Variants in INPPL1 observed in about 807,000 individuals in gnomAD.
INPPL1 encodes phosphatidylinositol 3,4,5-trisphosphate 5-phosphatase 2.
INPPL1 carries 91 observed loss-of-function variants against 139.3 expected under a neutral mutation model. That is an observed-to-expected ratio of 0.65 (90% CI 0.55 to 0.78). The LOEUF is 0.78. Among genes scored for constraint, INPPL1 ranks in the 30% least tolerant of loss-of-function variants. INPPL1 has a pLI of 0.00. For missense variants in INPPL1, 1,411 were observed against 1,665.6 expected, an observed-to-expected ratio of 0.85 and a Z score of 2.66; for synonymous variants, 719 against 686.6, an observed-to-expected ratio of 1.05 and a Z score of -0.74.
intron 1 of INPPL1, 166 bp downstream of exon 1, chr11:72,225,332 C>A (rs1194161953): frequency 1.0e-6 from 1 of 985,320 alleles, no homozygotes; most frequent in African/African-American, 1.7e-5. Flanking sequence ...AGGAGGGACG[C>A]AGGGGCACTT....
In INPPL1 at chr11:72,230,858, G is replaced by A. The variant is rs1948813148; in HGVS notation, c.1260G>A (p.Glu420=). Residue 420 remains glutamate (E), a synonymous_variant, in exon 11 of 28, where the codon GAG becomes GAA. Coordinates refer to ENST00000298229, the MANE Select transcript of INPPL1 (RefSeq NM_001567.4). ...AGAACAAGCACTCCAAGCAGGACGA[G>A]CCCGACATGATCTCAGTCTTCATAG... The part of the protein sequence containing the change: ...LMKNKHSKQD[E]PDMISVFIGT... 1 of 1,613,910 alleles carries A rather than the reference G, an allele frequency of 6.2e-7. No individual in the cohort carries two copies.
Position 72,228,418 on chromosome 11 carries a change from A to G in INPPL1, c.317A>G (p.Asn106Ser), listed in dbSNP as rs549593209. 3.7e-6 allele frequency: 6 copies of G among 1,612,988 alleles called. No homozygotes were observed. In the African/African-American group the frequency reaches 4.0e-5, roughly 11 times the overall value. Residue 106 changes from asparagine (N) to serine (S), a missense_variant, in exon 3 of 28, where the codon AAC becomes AGC. Physicochemically the swap from Asn to Ser is conservative, Grantham distance 46. Transcript: ENST00000298229. This position sits in a 1 kb window ranked among gnomAD's most constrained non-coding sequence, Gnocchi z 5.0. ...GELIGLYAQP[N>S]QGLVCALLLP... ...CTCATCGGCCTGTACGCCCAGCCCAACCAGGGCCTTGTGTGCGCCCTGCTT... is the reference window on the plus strand; with the variant it reads ...CTCATCGGCCTGTACGCCCAGCCCAGCCAGGGCCTTGTGTGCGCCCTGCTT...
At chr11:72,223,886 G>T, upstream of INPPL1, 1 of 151,780 alleles carries the variant, frequency 6.6e-6, no homozygotes, top group South Asian at 1.8e-4. Flanking sequence ...GGGCGCGCGC[G>T]GATGGCCATC....
At chr11:72,231,415 A>G in intron 12 of INPPL1, 83 bp from the exon 13 acceptor site, 1 of 1,163,464 alleles carries the variant, frequency 8.6e-7, no homozygotes, top group Non-Finnish European at 1.3e-6. Flanking sequence ...CCTGTGATGG[A>G]CACAAAAGTC....
Position 72,228,567 on chromosome 11 carries a change from C to T in INPPL1, c.397+69C>T, listed in dbSNP as rs748448649. ...GCTCTACCTGCCTCTTCCCATCCCC[C>T]CTTCTCAACCCCACCTCTCCTGTAA... On this transcript the variant is annotated intron_variant, in intron 3 of 27. Transcript: ENST00000298229. The surrounding 1 kb of genome is among the most constrained non-coding windows in gnomAD (Gnocchi z 5.0). 1.3e-6 allele frequency: 2 copies of T among 1,573,672 alleles called. No individual in the cohort carries two copies. Among genetic ancestry groups the T allele is most frequent in the Non-Finnish European group, 1.7e-6 (2 of 1,159,562 alleles).
rs1476878822 is a variant in INPPL1, at chr11:72,230,915, G to C, written c.1300+17G>C. 1.2e-6 allele frequency: 2 copies of C among 1,613,744 alleles called. No individual in the cohort carries two copies. Among genetic ancestry groups the C allele is most frequent in the Non-Finnish European group, 1.7e-6 (2 of 1,179,742 alleles). On this transcript the variant is annotated intron_variant, in intron 11 of 27. Coordinates refer to ENST00000298229, the MANE Select transcript of INPPL1 (RefSeq NM_001567.4). ...GGAACATGGGTCAGGCCCGGGCTGG[G>C]GCTGGGGCGGGAGAGAGGGATGGCC...
In INPPL1 at chr11:72,234,575, A is replaced by C. The variant is rs780938497; in HGVS notation, c.2375A>C (p.Asn792Thr). 2 of 1,613,866 alleles carry C rather than the reference A, an allele frequency of 1.2e-6. No individual in the cohort carries two copies. The highest frequency in any genetic ancestry group is 2.7e-5 in the African/African-American group (2 of 74,866). The change falls in exon 21 of 28, where the codon AAC becomes ACC. Residue 792 changes from asparagine to threonine, a missense_variant. Coordinates refer to ENST00000298229, the MANE Select transcript of INPPL1 (RefSeq NM_001567.4). This position sits in a 1 kb window ranked among gnomAD's most constrained non-coding sequence, Gnocchi z 4.2. ...GATGCCCAGAGCAGTGACAACATCA[A>C]CTTCCTCAAAGTGCAGTGGTCTTCA... Reference protein sequence around the residue: ...ENDAQSSDNINFLKVQWSSRQ... With the variant: ...ENDAQSSDNITFLKVQWSSRQ...
At position 72,229,879 on chromosome 11, in the gene INPPL1, C is replaced by T; in HGVS notation, c.844-45C>T. On this transcript the variant is annotated intron_variant, in intron 7 of 27. Coordinates refer to ENST00000298229, the MANE Select transcript of INPPL1 (RefSeq NM_001567.4). ...TCAATTGTGTCCCTCCCTGCCCCAG[C>T]CTTCAGTGTGTCCCCTGACCCCGCC... The T allele has an allele frequency of 1.9e-6, 3 of 1,590,716 alleles. No individual in the cohort carries two copies. In the South Asian group the frequency reaches 3.3e-5, roughly 18 times the overall value.
Position 72,228,700 on chromosome 11 carries a change from C to T in INPPL1, c.398-27C>T, listed in dbSNP as rs755620537. On this transcript the variant is annotated intron_variant, in intron 3 of 27. Coordinates refer to ENST00000298229, the MANE Select transcript of INPPL1 (RefSeq NM_001567.4). This position sits in a 1 kb window ranked among gnomAD's most constrained non-coding sequence, Gnocchi z 5.0. ...CTCCACTGAGTGTGGGAGGCCCAAA[C>T]GGCTGCCCACTGACCCCTGCCCACA... is the stretch of plus-strand genomic sequence containing the variant. 11 of 1,603,120 alleles carry T rather than the reference C, an allele frequency of 6.9e-6. No individual in the cohort carries two copies. The highest frequency in any genetic ancestry group is 3.3e-5 in the South Asian group (3 of 89,830).
chr11:72,236,010 CCCCCCCTT>C, intron 25 of INPPL1, 24 bp downstream of exon 25: 1 of 1,294,630 alleles, frequency 7.7e-7, no homozygotes, highest in Non-Finnish European at 1.1e-6. Context: ...CCTGTCACCG[CCCCCCCTT>C]CCCCCACCCA....
Position 72,238,158 on chromosome 11 carries a change from C to T in INPPL1, c.3669C>T (p.Asp1223=), listed in dbSNP as rs781340193. 1 of 1,595,816 alleles carries T rather than the reference C, an allele frequency of 6.3e-7. No homozygotes were observed. ...YEEGLVHNGW[D]DLEFLSDITE... is the part of the protein sequence containing the mutation. ...AGGGCCTGGTGCATAATGGCTGGGA[C>T]GACCTGGAGTTTCTCAGGTGGGGGA... is the stretch of plus-strand genomic sequence containing the variant. Residue 1223 remains aspartate, a synonymous_variant, in exon 27 of 28, where the codon GAC becomes GAT. Transcript: ENST00000298229.
At chr11:72,230,769 G>C in intron 10 of INPPL1, 27 bp from the exon 11 acceptor site, 1 of 1,604,074 alleles carries the variant, frequency 6.2e-7, no homozygotes, top group Non-Finnish European at 8.5e-7. Context: ...ATGCCTACCC[G>C]CCCCTGAGTG....
In INPPL1 at chr11:72,228,455, G is replaced by T; in HGVS notation, c.354G>T (p.Glu118Asp). 1 of 1,611,226 alleles carries T rather than the reference G, an allele frequency of 6.2e-7. No individual in the cohort carries two copies. Residue 118 changes from glutamate to aspartate, a missense_variant, in exon 3 of 28, where the codon GAG (glutamate) becomes GAT (aspartate). Glu to Asp is a conservative substitution (Grantham distance 45). Transcript: ENST00000298229. The surrounding 1 kb of genome is among the most constrained non-coding windows in gnomAD (Gnocchi z 5.0). ...GLVCALLLPV[E>D]GEREPDPPDD... ...TGTGCGCCCTGCTTCTTCCTGTAGA[G>T]GGTGAGCGAGAGCCGGACCCACCGG...
At chr11:72,237,989 A>T in intron 26 of INPPL1, 53 bp from the exon 27 acceptor site, 2 of 1,505,134 alleles carry the variant, frequency 1.3e-6, no homozygotes, top group Non-Finnish European at 1.8e-6. Context: ...ATGTGACTGC[A>T]GGTGTTTCTA....
At chr11:72,230,767 C>T in intron 10 of INPPL1, 29 bp from the exon 11 acceptor site, 1 of 1,600,316 alleles carries the variant, frequency 6.2e-7, no homozygotes, top group East Asian at 2.2e-5. Flanking sequence ...GGATGCCTAC[C>T]CGCCCCTGAG....
Position 72,224,853 on chromosome 11 carries a change from G to A in INPPL1, c.-132G>A. ...CCTGCGCGGCGGAGTGCTGAGTCCCGATCCCCGGCTCTGTCCGGCCCACGG... is the reference window on the plus strand; with the variant it reads ...CCTGCGCGGCGGAGTGCTGAGTCCCAATCCCCGGCTCTGTCCGGCCCACGG... On this transcript the variant is annotated 5_prime_UTR_variant, in exon 1 of 28. Coordinates refer to ENST00000298229, the MANE Select transcript of INPPL1 (RefSeq NM_001567.4). The A allele has an allele frequency of 1.8e-6, 1 of 559,742 alleles. No individual in the cohort carries two copies. Among genetic ancestry groups the A allele is most frequent in the Non-Finnish European group, 2.3e-6 (1 of 433,472 alleles). The allele number at this position is 559,742 out of a possible 1,614,324, so 34.7% of individuals were successfully genotyped here.
At chr11:72,225,949 G>T (rs1465038092) in intron 1 of INPPL1, among the ~76,000 whole-genome samples, 2 of 152,204 alleles carry the variant, frequency 1.3e-5, no homozygotes, top group Non-Finnish European at 2.9e-5. Context: ...CCTTCTAGCG[G>T]CTTTGTACCT....
In INPPL1 at chr11:72,232,972, T is replaced by A. The variant is rs757123220; in HGVS notation, c.1949T>A (p.Phe650Tyr). 1.1e-5 allele frequency: 17 copies of A among 1,613,802 alleles called. No individual in the cohort carries two copies. ...GAGAAGCACAAGGTCTTCCTTCGAT[T>A]CAGTGAGTGTGGGCCTGGTAGGTGG... ...EREKHKVFLR[F>Y]SEEEISFPPT... Residue 650 changes from phenylalanine to tyrosine, a missense_variant and splice_region_variant, in exon 16 of 28, where the codon TTC becomes TAC. By Grantham distance (22) the Phe-to-Tyr change is conservative. This residue lies in a region of INPPL1 where 363 missense variants were observed against 446.2 expected (regional missense o/e 0.81). Coordinates refer to ENST00000298229, the MANE Select transcript of INPPL1 (RefSeq NM_001567.4).
chr11:72,228,671 C>T lies in INPPL1; in HGVS notation c.398-56C>T. On this transcript the variant is annotated intron_variant, in intron 3 of 27. Coordinates refer to ENST00000298229, the MANE Select transcript of INPPL1 (RefSeq NM_001567.4). The surrounding 1 kb of genome is among the most constrained non-coding windows in gnomAD (Gnocchi z 5.0). Reference sequence around the variant, plus strand: ...GTCACTTTACAGCTGCATCGTGCCTCCTACTCCACTGAGTGTGGGAGGCCC... The same window carrying T: ...GTCACTTTACAGCTGCATCGTGCCTTCTACTCCACTGAGTGTGGGAGGCCC... 6.3e-7 allele frequency: 1 copy of T among 1,588,234 alleles called. No individual in the cohort carries two copies. The highest frequency in any genetic ancestry group is 8.6e-7 in the Non-Finnish European group (1 of 1,166,160).
Sources: gnomAD v4.1 joint callset for allele counts (sites outside exome capture counted in the v4.1 genomes callset) on GRCh38, gnomAD v4.1.1 for gene constraint, gnomAD v4.1.1 regional missense constraint, Gnocchi (gnomAD v3.1) non-coding constraint, MANE v1.5 for transcripts, NCBI Gene and HGNC (gene_info 2026-07-23, HGNC 2026-07-21) for gene names.